Variants in NME8 observed in about 807,000 individuals in gnomAD.
The protein encoded by NME8 is NME/NM23 family member 8.
Under a neutral mutation model 82.3 loss-of-function variants are expected in NME8, and 72 were observed. The observed-to-expected ratio is 0.87, with a 90% CI of 0.72 to 1.06. The LOEUF is 1.06. Ranked by LOEUF, NME8 falls within the 50% of genes least tolerant of loss-of-function variation. The pLI, the probability that NME8 is intolerant of heterozygous loss-of-function variation, is 0.00. For missense variants in NME8, 712 were observed against 685.4 expected, an observed-to-expected ratio of 1.04 and a Z score of -0.43; for synonymous variants, 267 against 228.5, an observed-to-expected ratio of 1.17 and a Z score of -1.52.
At chr7:37,880,361 G>T (rs1436854679) in intron 12 of NME8, among the ~76,000 whole-genome samples, 1 of 152,074 alleles carries the variant, frequency 6.6e-6, no homozygotes, top group African/African-American at 2.4e-5. Context: ...CATCCATTTT[G>T]AGTTATTTTT....
chr7:37,864,570 G>T (rs1784648597), intron 9 of NME8, 149 bp downstream of exon 9: 4 of 790,410 alleles, frequency 5.1e-6, no homozygotes, highest in Non-Finnish European at 7.9e-6. Flanking sequence ...AGTACTTTAT[G>T]TCTTTACAAG....
chr7:37,858,740 G>A (rs145289726), intron 6 of NME8, among the ~76,000 whole-genome samples: 2 of 152,236 alleles, frequency 1.3e-5, no homozygotes, highest in East Asian at 3.9e-4. Flanking sequence ...AGAGGCTGGA[G>A]CTCTGGGATA....
chr7:37,864,265 A>G (rs1287614210), intron 8 of NME8, 83 bp from the exon 9 acceptor site: 2 of 1,473,308 alleles, frequency 1.4e-6, no homozygotes, highest in Admixed American at 2.0e-5. Context: ...TTAGAAATTT[A>G]CATTGCTAAT....
rs1562826651 is a variant in NME8 at position 37,850,285 on chromosome 7, G to C, written c.19G>C (p.Glu7Gln). The C allele has an allele frequency of 6.2e-7, 1 of 1,614,092 alleles. No individual in the cohort carries two copies. The highest frequency in any genetic ancestry group is 1.7e-5 in the Admixed American group (1 of 60,014). MASKKR[E>Q]VQLQTVINNQ... ...TAGATAAATGGCAAGCAAAAAACGA[G>C]AAGTCCAGTTACAGGTGGGTCTGAC... is the stretch of plus-strand genomic sequence containing the variant. Residue 7 changes from glutamate (E) to glutamine (Q), a missense_variant, in exon 3 of 18, where the codon GAA becomes CAA. By Grantham distance (29) the Glu-to-Gln change is conservative (BLOSUM62 2). Transcript: ENST00000199447.
intron 11 of NME8, among the ~76,000 whole-genome samples, chr7:37,875,666 GC>G (rs1300343118): frequency 6.6e-6 from 1 of 150,752 alleles, no homozygotes; most frequent in African/African-American, 2.4e-5. Context: ...CCAAAAAATA[GC>G]CAGGAAAAAT....
intron 13 of NME8, among the ~76,000 whole-genome samples, chr7:37,884,725 G>T (rs887508173): frequency 7.9e-5 from 12 of 152,206 alleles, no homozygotes; most frequent in African/African-American, 2.9e-4. Flanking sequence ...ACAATACTAT[G>T]AAGTTTAAGC....
chr7:37,897,494 A>G lies in NME8; in HGVS notation c.*15+387A>G, dbSNP rs562646109. Among the ~76,000 whole-genome samples, 11 of 152,276 alleles carry G rather than the reference A, an allele frequency of 7.2e-5. 1 individual carries two copies. The highest frequency in any genetic ancestry group is 2.6e-4 in the African/African-American group (11 of 41,564). Reference sequence around the variant, plus strand: ...TCCACTTCTCTGCTTTGAATGGCCAAAGTTTCTTTCTTTTTATCTTTATTT... The same window carrying G: ...TCCACTTCTCTGCTTTGAATGGCCAGAGTTTCTTTCTTTTTATCTTTATTT... On this transcript the variant is annotated intron_variant, in intron 17 of 17. Transcript: ENST00000199447.
intron 11 of NME8, among the ~76,000 whole-genome samples, chr7:37,875,818 T>C (rs1303539948): frequency 6.6e-6 from 1 of 151,804 alleles, no homozygotes. Context: ...AAGGAGGGAA[T>C]TACTGGAAAA....
chr7:37,859,885 TC>T (rs1784573737), intron 6 of NME8, among the ~76,000 whole-genome samples: 1 of 152,142 alleles, frequency 6.6e-6, no homozygotes, highest in Admixed American at 6.6e-5. Flanking sequence ...TTGCTCCACA[TC>T]CATAATCATT....
At chr7:37,864,513 A>G in intron 9 of NME8, 92 bp downstream of exon 9, 1 of 1,275,132 alleles carries the variant, frequency 7.8e-7, no homozygotes. Flanking sequence ...TTTAGAGTGA[A>G]ATAGAACAAA....
chr7:37,885,003 A>T, intron 13 of NME8, 142 bp from the exon 14 acceptor site: 1 of 657,666 alleles, frequency 1.5e-6, no homozygotes, highest in Non-Finnish European at 2.7e-6. Context: ...CAACGGAAAA[A>T]AATCACAGAC....
At chr7:37,861,723 A>C (rs1331662112) in intron 6 of NME8, among the ~76,000 whole-genome samples, 5 of 152,156 alleles carry the variant, frequency 3.3e-5, no homozygotes, top group Admixed American at 3.3e-4. Context: ...AGAATTGTTC[A>C]ACTTTAAAGC....
chr7:37,866,025 G>C (rs2392517), intron 10 of NME8, among the ~76,000 whole-genome samples: 116,810 of 151,742 alleles, frequency 0.77, 45,319 homozygotes, highest in African/African-American at 0.88. Flanking sequence ...AGGCTGCCCC[G>C]ACCCCAACTG....
At chr7:37,877,089 A>G in intron 12 of NME8, 82 bp downstream of exon 12, 2 of 1,193,510 alleles carry the variant, frequency 1.7e-6, no homozygotes, top group Non-Finnish European at 2.4e-6. Context: ...ATTTAAAGAC[A>G]TTGTTTTAAA....
intron 8 of NME8, 100 bp from the exon 9 acceptor site, chr7:37,864,248 C>A: frequency 7.2e-7 from 1 of 1,395,204 alleles, no homozygotes; most frequent in Non-Finnish European, 9.9e-7. Context: ...CAACAATTAA[C>A]TGATCATTAG....
chr7:37,893,080 G>A (rs1234305231), intron 15 of NME8, among the ~76,000 whole-genome samples: 1 of 151,964 alleles, frequency 6.6e-6, no homozygotes, highest in Non-Finnish European at 1.5e-5. Flanking sequence ...ATATAATTAG[G>A]TAGTTTCTTA....
chr7:37,850,931 A>C (rs1354112719), intron 5 of NME8, among the ~76,000 whole-genome samples, 196 bp downstream of exon 5: 2 of 152,174 alleles, frequency 1.3e-5, no homozygotes, highest in Non-Finnish European at 2.9e-5. Flanking sequence ...CCATTCTTAT[A>C]ACGTCGAGGC....
intron 5 of NME8, among the ~76,000 whole-genome samples, chr7:37,852,212 G>A (rs1285100847): frequency 6.6e-6 from 1 of 151,820 alleles, no homozygotes; most frequent in South Asian, 2.1e-4. Flanking sequence ...GCAGTTTTAG[G>A]CTCATAGCAA....
At chr7:37,872,834 T>G (rs1784788772) in intron 11 of NME8, among the ~76,000 whole-genome samples, 1 of 152,092 alleles carries the variant, frequency 6.6e-6, no homozygotes, top group African/African-American at 2.4e-5. Context: ...TGTCTGCCAA[T>G]TGCAAGGGCT....
Sources: gnomAD v4.1 joint callset for allele counts (sites outside exome capture counted in the v4.1 genomes callset) on GRCh38, gnomAD v4.1.1 for gene constraint, MANE v1.5 for transcripts, NCBI Gene and HGNC (gene_info 2026-07-23, HGNC 2026-07-21) for gene names.